The following TNS3 variants were observed in gnomAD, a reference collection of about 807,000 sequenced individuals.
The protein encoded by TNS3 is tensin 3.
TNS3 carries 45 observed loss-of-function variants against 140.9 expected under a neutral mutation model. The observed-to-expected ratio is 0.32, with a 90% CI of 0.25 to 0.41. The LOEUF (loss-of-function observed/expected upper bound fraction) is 0.41. Ranked by LOEUF, TNS3 falls within the 10% of genes least tolerant of loss-of-function variation. The pLI is 1.00. For synonymous variants in TNS3, 815 were observed against 788.4 expected, an observed-to-expected ratio of 1.03 and a Z score of -0.56; for missense variants, 1,716 against 1,906.7, an observed-to-expected ratio of 0.90 and a Z score of 1.86.
rs751893657 is a variant in TNS3 at position 47,368,329 on chromosome 7, CT to C, written c.2281+35del. On this transcript the variant is annotated intron_variant, in intron 17 of 30. Transcript: ENST00000311160. ...CACACATTAGCCTCCCGTGGAGCAC[CT>C]CCCGTGGAGCACCTCCCATGGAGAC... The C allele has an allele frequency of 3.5e-6, 5 of 1,445,898 alleles. No homozygotes were observed. In the African/African-American group the frequency reaches 7.2e-5, roughly 21 times the overall value. 89.6% of individuals were successfully genotyped at this position (1,445,898 alleles called of 1,614,324 possible). A position where few individuals can be genotyped will look rare whatever the true frequency, so the allele number is the denominator to read the frequency against.
chr7:47,431,218 G>A (rs1420426536), intron 8 of TNS3, among the ~76,000 whole-genome samples: 4 of 152,150 alleles, frequency 2.6e-5, no homozygotes, highest in Admixed American at 2.6e-4. Flanking sequence ...CAAAACTTAT[G>A]GGATGCAGCA....
At chr7:47,389,089 A>AGAAGAAGAAGAAGAAGAG in intron 16 of TNS3, among the ~76,000 whole-genome samples, 2 of 77,994 alleles carry the variant, frequency 2.6e-5, no homozygotes, top group African/African-American at 1.1e-4. Context: ...AAGAAGAGGA[A>AGAAGAAGAAGAAGAAGAG]GAGGAAGAGG....
chr7:47,455,999 A>T (rs1796230101), intron 4 of TNS3, among the ~76,000 whole-genome samples: 1 of 152,240 alleles, frequency 6.6e-6, no homozygotes, highest in South Asian at 2.1e-4. Context: ...CCCGGGCTCA[A>T]GGAGCCCAAA....
intron 13 of TNS3, among the ~76,000 whole-genome samples, chr7:47,406,268 A>G (rs1793442985): frequency 6.6e-6 from 1 of 152,306 alleles, no homozygotes; most frequent in Admixed American, 6.5e-5. Flanking sequence ...GGCTGTGTCG[A>G]GGCGAAGGCA....
At chr7:47,395,167 C>T (rs1792755995) in intron 16 of TNS3, among the ~76,000 whole-genome samples, 1 of 152,224 alleles carries the variant, frequency 6.6e-6, no homozygotes, top group Non-Finnish European at 1.5e-5. Context: ...ACTCGCCTCC[C>T]TGTTCTCCAT....
At chr7:47,328,167 C>T (rs1294030694) in intron 20 of TNS3, among the ~76,000 whole-genome samples, 3 of 152,040 alleles carry the variant, frequency 2.0e-5, no homozygotes, top group South Asian at 2.1e-4. Flanking sequence ...CCGAGGGAGT[C>T]GTGCAGGGGG....
intron 8 of TNS3, among the ~76,000 whole-genome samples, chr7:47,430,797 T>G (rs1794893976): frequency 6.6e-6 from 1 of 151,740 alleles, no homozygotes; most frequent in African/African-American, 2.4e-5. Flanking sequence ...CTCAGCTCAC[T>G]ACAACCTCCA....
intron 16 of TNS3, among the ~76,000 whole-genome samples, chr7:47,387,367 G>A (rs1251413870): frequency 6.6e-6 from 1 of 152,186 alleles, no homozygotes; most frequent in Non-Finnish European, 1.5e-5. Flanking sequence ...GACCCCAAGA[G>A]TGTTGTTACT....
Position 47,389,154 on chromosome 7 carries a change from A to AAGAAGAAGAAGAAGAAGCAGC in TNS3, c.1024+7645_1024+7646insGCTGCTTCTTCTTCTTCTTCT, listed in dbSNP as rs1340201271. ...GAAGAAGAAGAAGAAGAAGAAGAAG[A>AAGAAGAAGAAGAAGAAGCAGC]AGCAGAAGAAGCAGCAGAAGCAGAA... On this transcript the variant is annotated intron_variant, in intron 16 of 30. Coordinates refer to ENST00000311160, the MANE Select transcript of TNS3 (RefSeq NM_022748.12). Among the ~76,000 whole-genome samples, 11 of 82,296 alleles carry AAGAAGAAGAAGAAGAAGCAGC rather than the reference A, an allele frequency of 1.3e-4. 3 individuals carry two copies. The highest frequency in any genetic ancestry group is 4.6e-4 in the African/African-American group (11 of 23,750). 54.0% of individuals were successfully genotyped at this position (82,296 alleles called of 152,430 possible). A position where few individuals can be genotyped will look rare whatever the true frequency, so the allele number is the denominator to read the frequency against.
intron 3 of TNS3, among the ~76,000 whole-genome samples, chr7:47,503,368 T>TC (rs769134986): frequency 6.6e-6 from 1 of 151,740 alleles, no homozygotes; most frequent in Non-Finnish European, 1.5e-5. Flanking sequence ...CACCCTTTCC[T>TC]CCCCCTTCTC....
At position 47,345,038 on chromosome 7, in the gene TNS3, T is replaced by C; in HGVS notation, c.2452A>G (p.Thr818Ala). The change falls in exon 19 of 31, where the codon ACG becomes GCG. Residue 818 changes from threonine to alanine, a missense_variant and splice_region_variant. By Grantham distance (58) the Thr-to-Ala change is moderately conservative (BLOSUM62 0). This residue lies in a region of TNS3 where 1,163 missense variants were observed against 1,182.1 expected (regional missense o/e 0.98). Transcript: ENST00000311160. ...PFPSPADVKETMTPGYPQDLD... is the reference protein window; with the variant it reads ...PFPSPADVKEAMTPGYPQDLD... ...TCCTGGGGATAGCCAGGGGTCATCGTCTGAAATTGGCACAGGGAGTAGAAT... is the reference window on the plus strand; with the variant it reads ...TCCTGGGGATAGCCAGGGGTCATCGCCTGAAATTGGCACAGGGAGTAGAAT... 6.2e-7 allele frequency: 1 copy of C among 1,613,052 alleles called. No homozygotes were observed. The highest frequency in any genetic ancestry group is 8.5e-7 in the Non-Finnish European group (1 of 1,179,540).
chr7:47,581,437 A>C (rs1406954833), intron 1 of TNS3: 1 of 151,696 alleles, frequency 6.6e-6, no homozygotes, highest in Admixed American at 6.6e-5. Context: ...CGCACTGGAG[A>C]GCTTGCCTAG....
At chr7:47,359,635 C>T (rs1015612037) in intron 17 of TNS3, among the ~76,000 whole-genome samples, 2 of 152,098 alleles carry the variant, frequency 1.3e-5, no homozygotes, top group Non-Finnish European at 2.9e-5. Context: ...TGGGCCGGAC[C>T]AAAGATTTTC....
At chr7:47,380,116 G>A (rs1791659135) in intron 16 of TNS3, among the ~76,000 whole-genome samples, 1 of 152,252 alleles carries the variant, frequency 6.6e-6, no homozygotes, top group Non-Finnish European at 1.5e-5. Context: ...CTGGAATGTG[G>A]CGATAAAGGA....
At chr7:47,543,616 C>A (rs566150371) in intron 1 of TNS3, among the ~76,000 whole-genome samples, 1 of 152,226 alleles carries the variant, frequency 6.6e-6, no homozygotes, top group Non-Finnish European at 1.5e-5. Context: ...GGAAGCAGGA[C>A]TTGAAAGCAG....
chr7:47,385,610 C>T (rs1792030246), intron 16 of TNS3, among the ~76,000 whole-genome samples: 1 of 152,188 alleles, frequency 6.6e-6, no homozygotes, highest in African/African-American at 2.4e-5. Context: ...TGCCTTCACT[C>T]CCCAGGTGAC....
At chr7:47,335,056 C>CT (rs1412146984) in intron 20 of TNS3, among the ~76,000 whole-genome samples, 1 of 152,158 alleles carries the variant, frequency 6.6e-6, no homozygotes, top group Non-Finnish European at 1.5e-5. Context: ...ATAGGGGAGA[C>CT]TTGAGATTAA....
chr7:47,462,865 T>A (rs1796545218), intron 4 of TNS3, among the ~76,000 whole-genome samples: 1 of 152,184 alleles, frequency 6.6e-6, no homozygotes, highest in African/African-American at 2.4e-5. Flanking sequence ...AAATTGCCTA[T>A]CATAGGTTCA....
intron 2 of TNS3, among the ~76,000 whole-genome samples, chr7:47,510,926 GT>G (rs1159138294): frequency 1.3e-5 from 2 of 149,526 alleles, no homozygotes; most frequent in African/African-American, 4.9e-5. Flanking sequence ...GGACATTTCT[GT>G]TAAAATCAAC....
Sources: gnomAD v4.1 joint callset for allele counts (sites outside exome capture counted in the v4.1 genomes callset) on GRCh38, gnomAD v4.1.1 for gene constraint, gnomAD v4.1.1 regional missense constraint, MANE v1.5 for transcripts, NCBI Gene and HGNC (gene_info 2026-07-23, HGNC 2026-07-21) for gene names.